ATPSCKMT: variants seen among roughly 807,000 people sequenced by gnomAD.
ATPSCKMT encodes the protein ATP synthase c subunit lysine N-methyltransferase, also known as ATP synthase subunit C lysine N-methyltransferase.
ATPSCKMT carries 24 observed loss-of-function variants against 24.3 expected under a neutral mutation model. The ratio of observed to expected loss-of-function variants is 0.99; its 90% CI spans 0.71 to 1.39. ATPSCKMT has a LOEUF of 1.39. Among genes scored for constraint, ATPSCKMT ranks in the 40% most tolerant of loss-of-function variants. The probability of loss-of-function intolerance (pLI) is 0.00; values close to 1 mark genes in which losing one functional copy is unlikely to be tolerated. For synonymous variants in ATPSCKMT, 95 were observed against 110.5 expected, an observed-to-expected ratio of 0.86 and a Z score of 0.88; for missense variants, 311 against 298.4, an observed-to-expected ratio of 1.04 and a Z score of -0.31.
intron 1 of ATPSCKMT, 71 bp from the exon 2 acceptor site, chr5:10,239,427 C>T (rs1744526324): frequency 7.4e-7 from 1 of 1,356,360 alleles, no homozygotes; most frequent in Non-Finnish European, 1.0e-6. Context: ...TTTTTTTCTA[C>T]AATTCTCATT....
At chr5:10,232,675 G>A (rs1051634331) in intron 4 of ATPSCKMT, among the ~76,000 whole-genome samples, 1 of 152,236 alleles carries the variant, frequency 6.6e-6, no homozygotes, top group Non-Finnish European at 1.5e-5. Context: ...CCAGGCTCTG[G>A]GAAGAGCAGC....
At chr5:10,248,336 G>A (rs961488764) in intron 1 of ATPSCKMT, 2 of 152,220 alleles carry the variant, frequency 1.3e-5, no homozygotes, top group Non-Finnish European at 2.9e-5. Context: ...CACAGAGGAT[G>A]CCATAGGACA....
intron 1 of ATPSCKMT, 152 bp from the exon 2 acceptor site, chr5:10,239,508 A>G: frequency 1.5e-6 from 1 of 665,164 alleles, no homozygotes; most frequent in Non-Finnish European, 2.5e-6. Flanking sequence ...GTAGGATCCC[A>G]CAATTAGTTC....
chr5:10,227,451 A>G lies in ATPSCKMT; in HGVS notation c.692T>C (p.Ile231Thr), dbSNP rs199675352. The G allele has an allele frequency of 1.2e-6, 2 of 1,614,128 alleles. No homozygotes were observed. Among genetic ancestry groups the G allele is most frequent in the Non-Finnish European group, 1.7e-6 (2 of 1,180,030 alleles). Reference sequence around the variant, plus strand: ...CACTCCCAGTCAAGTTTATGCTTGAATGGGCAGCTGGAAATGCATCGATGT... The same window carrying G: ...CACTCCCAGTCAAGTTTATGCTTGAGTGGGCAGCTGGAAATGCATCGATGT... ...PCTSMHFQLPIQA is the reference protein window; with the variant it reads ...PCTSMHFQLPTQA Residue 231 changes from isoleucine to threonine, a missense_variant, in exon 5 of 5, where the codon ATT (isoleucine) becomes ACT (threonine). Ile to Thr is a moderately conservative substitution (Grantham distance 89). Coordinates refer to ENST00000511437, the MANE Select transcript of ATPSCKMT (RefSeq NM_199133.4).
At chr5:10,231,159 C>T (rs1744115215) in intron 4 of ATPSCKMT, among the ~76,000 whole-genome samples, 1 of 152,166 alleles carries the variant, frequency 6.6e-6, no homozygotes, top group Non-Finnish European at 1.5e-5. Context: ...CACAAGCTTC[C>T]ACTTCCCAAG....
chr5:10,249,830 G>A (rs1745223955), intron 1 of ATPSCKMT, 28 bp downstream of exon 1: 3 of 1,338,376 alleles, frequency 2.2e-6, no homozygotes, highest in East Asian at 3.7e-5. Flanking sequence ...CATGCCCCCA[G>A]GAACCCGCCA....
intron 2 of ATPSCKMT, among the ~76,000 whole-genome samples, chr5:10,237,388 T>C (rs1744422741): frequency 1.3e-5 from 2 of 152,256 alleles, no homozygotes; most frequent in African/African-American, 2.4e-5. Context: ...CCTTGATTTA[T>C]TGATATGGTT....
In ATPSCKMT at chr5:10,239,084, T is replaced by C. The variant is rs1224309815; in HGVS notation, c.289A>G (p.Ser97Gly). The change falls in exon 2 of 5, where the codon AGT becomes GGT. Residue 97 changes from serine to glycine, a missense_variant. Physicochemically the swap from Ser to Gly is moderately conservative, Grantham distance 56. Transcript: ENST00000511437. ...CRRGSLVDIG[S>G]GDGRIVIAAA... ...GAACTCACAATGCGTCCGTCCCCACTACCGATGTCCACAAGGGATCCTCTT... is the reference window on the plus strand; with the variant it reads ...GAACTCACAATGCGTCCGTCCCCACCACCGATGTCCACAAGGGATCCTCTT... The C allele has an allele frequency of 6.2e-7, 1 of 1,614,068 alleles. No homozygotes were observed. The highest frequency in any genetic ancestry group is 1.1e-5 in the South Asian group (1 of 91,068).
chr5:10,234,918 A>T (rs1451241042), intron 4 of ATPSCKMT, among the ~76,000 whole-genome samples: 1 of 152,256 alleles, frequency 6.6e-6, no homozygotes, highest in African/African-American at 2.4e-5. Flanking sequence ...TGAAAACTGC[A>T]AACTACATTA....
chr5:10,239,033 G>C, intron 2 of ATPSCKMT, 34 bp downstream of exon 2: 5 of 1,592,530 alleles, frequency 3.1e-6, no homozygotes, highest in Non-Finnish European at 4.3e-6. Flanking sequence ...TTAAGTTCTG[G>C]TTTCAAACCT....
chr5:10,226,658 T>C lies in ATPSCKMT; in HGVS notation c.*783A>G, dbSNP rs1265776755. ...TCTGCAACTTCTGTGAATAAGATTT[T>C]TCTCAGTGTCTAAAATAACAAACAC... is the stretch of plus-strand genomic sequence containing the variant. On this transcript the variant is annotated 3_prime_UTR_variant, in exon 5 of 5. Transcript: ENST00000511437. The C allele has an allele frequency of 1.3e-5, 2 of 152,226 alleles. No individual in the cohort carries two copies. Among genetic ancestry groups the C allele is most frequent in the African/African-American group, 4.8e-5 (2 of 41,460 alleles). The allele number at this position is 152,226 out of a possible 1,614,324, so 9.4% of individuals were successfully genotyped here.
In ATPSCKMT at chr5:10,233,596, G is replaced by A. The variant is rs1050652831; in HGVS notation, c.495+1615C>T. ...CTGATTGAACAGCTCCATAAAGTGA[G>A]TCAGTCTACTTCAAACATGGTAAGA... is the stretch of plus-strand genomic sequence containing the variant. On this transcript the variant is annotated intron_variant, in intron 4 of 4. Coordinates refer to ENST00000511437, the MANE Select transcript of ATPSCKMT (RefSeq NM_199133.4). 2.0e-5 allele frequency among the ~76,000 whole-genome samples: 3 copies of A among 150,444 alleles called. No homozygotes were observed. The South Asian group carries it at 6.2e-4, about 31-fold the overall frequency.
rs1467412298 is a variant in ATPSCKMT, at chr5:10,227,653, G to GAGAGT, written c.496-11_496-7dup. On this transcript the variant is annotated splice_polypyrimidine_tract_variant and splice_region_variant and intron_variant, in intron 4 of 4. Coordinates refer to ENST00000511437, the MANE Select transcript of ATPSCKMT (RefSeq NM_199133.4). ...TTCTTCTCCAACTGCAGCATCTGTGGAGAGTAACAGCTATTATTTTAGTGA... is the reference window on the plus strand; with the variant it reads ...TTCTTCTCCAACTGCAGCATCTGTGGAGAGTAGAGTAACAGCTATTATTTTAGTGA... The GAGAGT allele has an allele frequency of 6.2e-7, 1 of 1,613,876 alleles. No individual in the cohort carries two copies. The highest frequency in any genetic ancestry group is 1.1e-5 in the South Asian group (1 of 91,034).
chr5:10,228,278 T>A (rs1013356224), intron 4 of ATPSCKMT, among the ~76,000 whole-genome samples: 1 of 152,210 alleles, frequency 6.6e-6, no homozygotes. Flanking sequence ...CTACAGTCAA[T>A]GAAATGTGGT....
chr5:10,247,437 C>T (rs1164774781), intron 1 of ATPSCKMT, among the ~76,000 whole-genome samples: 2 of 152,216 alleles, frequency 1.3e-5, no homozygotes, highest in East Asian at 3.9e-4. Context: ...ACCTCTCAGG[C>T]TCAAACGATC....
intron 4 of ATPSCKMT, among the ~76,000 whole-genome samples, chr5:10,232,378 G>A (rs1266301681): frequency 2.0e-5 from 3 of 152,228 alleles, no homozygotes; most frequent in Non-Finnish European, 4.4e-5. Flanking sequence ...CTGCGGTGCT[G>A]GAGGCCTGGG....
Position 10,235,092 on chromosome 5 carries a change from G to A in ATPSCKMT, c.495+119C>T, listed in dbSNP as rs1023170803. The A allele has an allele frequency of 5.2e-6, 4 of 774,078 alleles. No homozygotes were observed. In the Middle Eastern group the frequency reaches 9.4e-4, roughly 181 times the overall value. The allele number at this position is 774,078 out of a possible 1,614,324, so 48.0% of individuals were successfully genotyped here. A position where few individuals can be genotyped will look rare whatever the true frequency, so the allele number is the denominator to read the frequency against. Reference sequence around the variant, plus strand: ...TATTAAATCAATGAACTGAAATCCAGTGTTCCCTAAAATCTCTGGGAGGCC... The same window carrying A: ...TATTAAATCAATGAACTGAAATCCAATGTTCCCTAAAATCTCTGGGAGGCC... On this transcript the variant is annotated intron_variant, in intron 4 of 4. Transcript: ENST00000511437.
At chr5:10,235,559 TA>T (rs1248375867) in intron 3 of ATPSCKMT, among the ~76,000 whole-genome samples, 1 of 152,200 alleles carries the variant, frequency 6.6e-6, no homozygotes, top group South Asian at 2.1e-4. Flanking sequence ...GTCAGACAGC[TA>T]GTGACCACAC....
Position 10,235,195 on chromosome 5 carries a change from G to A in ATPSCKMT, c.495+16C>T. ...TCATCTAACCCCAAACAGAGAGCAG[G>A]AAAGTGCATACTCACCATCTGAGGC... On this transcript the variant is annotated intron_variant, in intron 4 of 4. Coordinates refer to ENST00000511437, the MANE Select transcript of ATPSCKMT (RefSeq NM_199133.4). The A allele has an allele frequency of 6.2e-7, 1 of 1,613,298 alleles. No homozygotes were observed. The highest frequency in any genetic ancestry group is 8.5e-7 in the Non-Finnish European group (1 of 1,179,414).
Sources: allele counts gnomAD v4.1 joint callset (sites outside exome capture counted in the v4.1 genomes callset), GRCh38; gene constraint gnomAD v4.1.1; transcripts MANE v1.5; gene names NCBI Gene and HGNC (gene_info 2026-07-23, HGNC 2026-07-21).